COG5: variants seen among roughly 807,000 people sequenced by gnomAD.
The protein encoded by COG5 is component of oligomeric golgi complex 5, also known as conserved oligomeric Golgi complex subunit 5.
A neutral mutation model predicts 110.4 loss-of-function variants in COG5; 86 were observed. The observed-to-expected ratio is 0.78, with a 90% CI of 0.65 to 0.93. The LOEUF is 0.93. Among genes scored for constraint, COG5 ranks in the 40% least tolerant of loss-of-function variants. The pLI is 0.00. For synonymous variants in COG5, 360 were observed against 334.6 expected (o/e 1.08, Z -0.83); for missense variants, 1,077 against 987.0 (o/e 1.09, Z -1.22).
chr7:107,210,357 C>G lies in COG5; in HGVS notation c.2375+169G>C, dbSNP rs1799073032. ...GCAAAAGATGTTGTGGCCAACATTT[C>G]CAACTGCTGGTTGCTCCAGCACCCG... On this transcript the variant is annotated intron_variant, in intron 21 of 21. Transcript: ENST00000297135. 4 of 1,436,776 alleles carry G rather than the reference C, an allele frequency of 2.8e-6. No homozygotes were observed. The South Asian group carries it at 6.0e-5, about 22-fold the overall frequency. 89.0% of individuals were successfully genotyped at this position (1,436,776 alleles called of 1,614,324 possible).
At chr7:107,393,233 C>T (rs1250830301) in intron 7 of COG5, among the ~76,000 whole-genome samples, 1 of 152,068 alleles carries the variant, frequency 6.6e-6, no homozygotes, top group East Asian at 1.9e-4. Flanking sequence ...CCTATTTTTT[C>T]AATGTTCCAG....
chr7:107,281,188 A>G, intron 14 of COG5, 112 bp downstream of exon 14: 2 of 793,470 alleles, frequency 2.5e-6, no homozygotes, highest in Non-Finnish European at 2.0e-6. Flanking sequence ...TCACTACAGT[A>G]AAAATGGAAG....
intron 6 of COG5, among the ~76,000 whole-genome samples, chr7:107,508,337 C>T (rs561613613): frequency 3.5e-4 from 54 of 152,306 alleles, no homozygotes; most frequent in African/African-American, 1.2e-3. Context: ...GGGGGAGGGG[C>T]GCCTGCCATT....
chr7:107,329,880 A>G (rs538537785), intron 10 of COG5, among the ~76,000 whole-genome samples: 1 of 152,200 alleles, frequency 6.6e-6, no homozygotes, highest in Non-Finnish European at 1.5e-5. Flanking sequence ...GGATGACAGA[A>G]TAAGACCCTG....
chr7:107,437,479 T>C (rs1197776979), intron 6 of COG5, among the ~76,000 whole-genome samples: 1 of 152,162 alleles, frequency 6.6e-6, no homozygotes, highest in Non-Finnish European at 1.5e-5. Context: ...AGTGAATATG[T>C]CTTGCCTTTT....
chr7:107,478,805 A>G (rs1393941829), intron 6 of COG5, among the ~76,000 whole-genome samples: 1 of 152,028 alleles, frequency 6.6e-6, no homozygotes, highest in East Asian at 1.9e-4. Context: ...CAGATTCCTC[A>G]TTGAACTGAA....
At chr7:107,406,675 T>C (rs1440624971) in intron 7 of COG5, among the ~76,000 whole-genome samples, 1 of 152,210 alleles carries the variant, frequency 6.6e-6, no homozygotes, top group Non-Finnish European at 1.5e-5. Flanking sequence ...CCATTCCTTT[T>C]TGACATGTTA....
chr7:107,333,807 T>C (rs1288459187), intron 10 of COG5, among the ~76,000 whole-genome samples: 1 of 152,162 alleles, frequency 6.6e-6, no homozygotes, highest in African/African-American at 2.4e-5. Flanking sequence ...AAAATTTCAA[T>C]ACTAACATAC....
rs1412494844 is a variant in COG5 at position 107,346,999 on chromosome 7, G to C, written c.1026+15034C>G. On this transcript the variant is annotated intron_variant, in intron 10 of 21. Transcript: ENST00000297135. ...AGAAAGTGTTCACCATTTCAATTTTGATGAAAAATGATTGGTATATCATAA... is the reference window on the plus strand; with the variant it reads ...AGAAAGTGTTCACCATTTCAATTTTCATGAAAAATGATTGGTATATCATAA... Among the ~76,000 whole-genome samples the C allele has an allele frequency of 2.0e-5, 3 of 152,032 alleles. 1 individual carries two copies. The South Asian group carries it at 6.2e-4, about 32-fold the overall frequency.
At chr7:107,539,766 T>C (rs1801843404) in intron 5 of COG5, among the ~76,000 whole-genome samples, 1 of 152,178 alleles carries the variant, frequency 6.6e-6, no homozygotes, top group Non-Finnish European at 1.5e-5. Context: ...CTTCTAACAA[T>C]GATGGAATAG....
chr7:107,203,864 C>A (rs1399671653), intron 21 of COG5, among the ~76,000 whole-genome samples: 1 of 152,120 alleles, frequency 6.6e-6, no homozygotes. Flanking sequence ...CTGCATTGTT[C>A]TTAGTGGTCT....
At chr7:107,246,951 A>C (rs149247044) in intron 17 of COG5, among the ~76,000 whole-genome samples, 17 of 152,348 alleles carry the variant, frequency 1.1e-4, no homozygotes, top group African/African-American at 3.8e-4. Context: ...TCACAATAGC[A>C]AAGACATGCA....
intron 7 of COG5, among the ~76,000 whole-genome samples, chr7:107,397,411 C>T (rs1270147696): frequency 6.6e-6 from 1 of 152,178 alleles, no homozygotes; most frequent in East Asian, 1.9e-4. Context: ...CACCTACACC[C>T]AGTCAAATCT....
chr7:107,205,878 T>G (rs577818608), intron 21 of COG5, among the ~76,000 whole-genome samples: 2 of 152,084 alleles, frequency 1.3e-5, no homozygotes, highest in Non-Finnish European at 2.9e-5. Flanking sequence ...GCTGGCTCCA[T>G]GCTCTGGTCA....
intron 6 of COG5, among the ~76,000 whole-genome samples, chr7:107,511,379 A>G (rs910425220): frequency 5.9e-5 from 9 of 152,068 alleles, no homozygotes; most frequent in Non-Finnish European, 1.0e-4. Flanking sequence ...CCAATAACAG[A>G]CTCTGAAATT....
At chr7:107,439,365 G>C (rs993312737) in intron 6 of COG5, among the ~76,000 whole-genome samples, 1 of 152,072 alleles carries the variant, frequency 6.6e-6, no homozygotes, top group African/African-American at 2.4e-5. Context: ...CCTCAGGTAA[G>C]TTGTCAGTAT....
chr7:107,545,268 T>C (rs1199704415), intron 5 of COG5, among the ~76,000 whole-genome samples: 2 of 152,074 alleles, frequency 1.3e-5, no homozygotes, highest in African/African-American at 4.8e-5. Context: ...TATCCAGGTA[T>C]AGGAAACTCA....
At chr7:107,205,935 T>C (rs1037304332) in intron 21 of COG5, among the ~76,000 whole-genome samples, 18 of 151,934 alleles carry the variant, frequency 1.2e-4, no homozygotes, top group Non-Finnish European at 2.9e-5. Flanking sequence ...GGGCAAGCCC[T>C]TACTGAAGAA....
intron 6 of COG5, among the ~76,000 whole-genome samples, chr7:107,500,014 T>C (rs1316118104): frequency 3.3e-5 from 5 of 152,048 alleles, no homozygotes; most frequent in Admixed American, 6.6e-5. Context: ...AATTAAGTAG[T>C]CCCTTCCTTG....
Sources: allele counts gnomAD v4.1 joint callset (sites outside exome capture counted in the v4.1 genomes callset), GRCh38; gene constraint gnomAD v4.1.1; transcripts MANE v1.5; gene names NCBI Gene and HGNC (gene_info 2026-07-23, HGNC 2026-07-21).